The following MACROD2 variants were observed in gnomAD, a reference collection of about 807,000 sequenced individuals.
MACROD2 encodes ADP-ribose glycohydrolase MACROD2.
A neutral mutation model predicts 70.4 loss-of-function variants in MACROD2; 36 were observed. That is an observed-to-expected ratio of 0.51 (90% CI 0.39 to 0.68). MACROD2 has a LOEUF of 0.68. Ranked by LOEUF, MACROD2 falls within the 30% of genes least tolerant of loss-of-function variation. The pLI, the probability that MACROD2 is intolerant of heterozygous loss-of-function variation, is 0.00. For missense variants in MACROD2, 496 were observed against 538.4 expected (o/e 0.92, Z 0.78); for synonymous variants, 172 against 178.8 (o/e 0.96, Z 0.30).
At chr20:15,805,013 G>A (rs73246165) in intron 8 of MACROD2, among the ~76,000 whole-genome samples, 4,058 of 152,246 alleles carry the variant, frequency 0.027, 111 homozygotes, top group East Asian at 0.069. Flanking sequence ...CAGTGGTTAC[G>A]TGCTGAACAA....
intron 5 of MACROD2, among the ~76,000 whole-genome samples, chr20:15,166,471 C>G (rs1404374781): frequency 1.3e-5 from 2 of 152,106 alleles, no homozygotes; most frequent in Admixed American, 1.3e-4. Context: ...CTCTTCCAGC[C>G]TGAAGAATGT....
chr20:15,076,612 T>C (rs575962537), intron 5 of MACROD2, among the ~76,000 whole-genome samples: 3 of 152,192 alleles, frequency 2.0e-5, no homozygotes, highest in East Asian at 1.9e-4. Flanking sequence ...GTAGGAGATA[T>C]AGCTACAAAT....
chr20:15,004,509 G>GT (rs2075020848), intron 5 of MACROD2, among the ~76,000 whole-genome samples: 1 of 152,162 alleles, frequency 6.6e-6, no homozygotes, highest in African/African-American at 2.4e-5. Context: ...TGTACTACCA[G>GT]ATAGCTATCT....
intron 3 of MACROD2, among the ~76,000 whole-genome samples, chr20:14,215,037 T>C (rs2081603811): frequency 6.7e-6 from 1 of 149,696 alleles, no homozygotes; most frequent in Non-Finnish European, 1.5e-5. Context: ...TGTGTACATA[T>C]ATTCCATCAT....
chr20:15,234,005 ATATATTCTTTTTTTTTTTTT>A (rs2076986356), intron 6 of MACROD2, among the ~76,000 whole-genome samples: 1 of 60,988 alleles, frequency 1.6e-5, no homozygotes, highest in Non-Finnish European at 3.3e-5. Context: ...ATATATATAT[ATATATTCTTTTTTTTTTTTT>A]TTTTTTTTTT....
intron 3 of MACROD2, among the ~76,000 whole-genome samples, chr20:14,322,201 T>TATATATATATA (rs1568553949): frequency 5.4e-4 from 67 of 124,556 alleles, no homozygotes; most frequent in Non-Finnish European, 7.3e-4. Context: ...TATATATATA[T>TATATATATATA]TTTGTATTTT....
chr20:15,310,866 A>G (rs552093436), intron 6 of MACROD2, among the ~76,000 whole-genome samples: 10 of 152,314 alleles, frequency 6.6e-5, no homozygotes, highest in African/African-American at 2.4e-4. Context: ...CGTTTGCACT[A>G]TATCCCAAAG....
intron 5 of MACROD2, among the ~76,000 whole-genome samples, chr20:15,073,359 A>G (rs1433300298): frequency 4.6e-5 from 7 of 152,050 alleles, no homozygotes; most frequent in African/African-American, 7.2e-5. Flanking sequence ...ATATTACTAA[A>G]ACCCTGTGGC....
chr20:14,444,989 T>A (rs1318462993), intron 3 of MACROD2, among the ~76,000 whole-genome samples: 1 of 152,064 alleles, frequency 6.6e-6, no homozygotes, highest in African/African-American at 2.4e-5. Context: ...ATAGCCTTTG[T>A]CTCCTTGCTT....
chr20:15,595,136 A>G (rs929535802), intron 8 of MACROD2, among the ~76,000 whole-genome samples: 16 of 152,210 alleles, frequency 1.1e-4, no homozygotes, highest in Admixed American at 5.2e-4. Flanking sequence ...GTGAAATGAG[A>G]GATTATTGTT....
intron 6 of MACROD2, among the ~76,000 whole-genome samples, chr20:15,262,373 A>G (rs113150648): frequency 0.017 from 2,636 of 152,170 alleles, 77 homozygotes; most frequent in African/African-American, 0.06. Flanking sequence ...TGTAAATGAC[A>G]GGATCTCATT....
intron 8 of MACROD2, among the ~76,000 whole-genome samples, chr20:15,631,052 TA>T (rs1451046149): frequency 6.6e-5 from 10 of 152,194 alleles, no homozygotes; most frequent in Non-Finnish European, 1.2e-4. Flanking sequence ...AATACGTAAC[TA>T]AAAATTAGTT....
chr20:15,001,713 T>A (rs1426926006), intron 5 of MACROD2, among the ~76,000 whole-genome samples: 1 of 152,068 alleles, frequency 6.6e-6, no homozygotes, highest in African/African-American at 2.4e-5. Context: ...TTGTTTTTTT[T>A]TAATTTTTAT....
intron 2 of MACROD2, among the ~76,000 whole-genome samples, chr20:14,060,038 G>A (rs556618955): frequency 6.6e-6 from 1 of 152,194 alleles, no homozygotes; most frequent in Non-Finnish European, 1.5e-5. Context: ...ACGTGCTTAT[G>A]ATAAGCTTAG....
chr20:14,644,800 A>G (rs1246817050), intron 4 of MACROD2, among the ~76,000 whole-genome samples: 2 of 152,146 alleles, frequency 1.3e-5, no homozygotes, highest in African/African-American at 4.8e-5. Context: ...CTTCAAATAC[A>G]ATAGTAACTC....
intron 6 of MACROD2, among the ~76,000 whole-genome samples, chr20:15,232,640 C>G (rs2076968822): frequency 6.6e-6 from 1 of 152,018 alleles, no homozygotes; most frequent in African/African-American, 2.4e-5. Context: ...AAGATGTTTT[C>G]ACACCTCATG....
chr20:14,422,989 C>T (rs2083892207), intron 3 of MACROD2, among the ~76,000 whole-genome samples: 1 of 152,208 alleles, frequency 6.6e-6, no homozygotes, highest in Non-Finnish European at 1.5e-5. Flanking sequence ...CAGCCCCGCC[C>T]ACACTTTTAC....
chr20:14,075,401 T>G (rs568624773), intron 2 of MACROD2, among the ~76,000 whole-genome samples: 2 of 152,274 alleles, frequency 1.3e-5, no homozygotes, highest in South Asian at 4.1e-4. Context: ...CTATCTGCGG[T>G]TTCAGGCATC....
chr20:14,690,064 G>A (rs751280344), intron 5 of MACROD2, among the ~76,000 whole-genome samples: 11 of 130,426 alleles, frequency 8.4e-5, no homozygotes, highest in Non-Finnish European at 1.4e-4. Context: ...ACTCTTAATG[G>A]AGTTTCTCCT....
Sources: allele counts gnomAD v4.1 joint callset (sites outside exome capture counted in the v4.1 genomes callset), GRCh38; gene constraint gnomAD v4.1.1; transcripts MANE v1.5; gene names NCBI Gene and HGNC (gene_info 2026-07-23, HGNC 2026-07-21).